CACNA2D3: variants seen among roughly 807,000 people sequenced by gnomAD.
The protein encoded by CACNA2D3 is voltage-dependent calcium channel subunit alpha-2/delta-3.
Under a neutral mutation model 160.6 loss-of-function variants are expected in CACNA2D3, and 60 were observed. The ratio of observed to expected loss-of-function variants is 0.37; its 90% confidence interval spans 0.30 to 0.46. CACNA2D3 has a LOEUF of 0.46. Ranked by LOEUF, CACNA2D3 falls within the 20% of genes least tolerant of loss-of-function variation. CACNA2D3 has a pLI of 1.00. For synonymous variants in CACNA2D3, 558 were observed against 492.9 expected, an observed-to-expected ratio of 1.13 and a Z score of -1.75; for missense variants, 1,205 against 1,365.0, an observed-to-expected ratio of 0.88 and a Z score of 1.85.
chr3:54,498,192 G>C (rs1279695780), intron 4 of CACNA2D3, among the ~76,000 whole-genome samples: 1 of 151,732 alleles, frequency 6.6e-6, no homozygotes, highest in Non-Finnish European at 1.5e-5. Flanking sequence ...GAATCCATCA[G>C]TTAAGGCATA....
intron 4 of CACNA2D3, among the ~76,000 whole-genome samples, chr3:54,502,779 T>C (rs1271278116): frequency 6.6e-6 from 1 of 152,210 alleles, no homozygotes; most frequent in Non-Finnish European, 1.5e-5. Context: ...CCTCATAACA[T>C]TGTTAGGAGA....
At chr3:54,925,079 T>C in intron 27 of CACNA2D3, 1 of 1,613,860 alleles carries the variant, frequency 6.2e-7, no homozygotes, top group South Asian at 1.1e-5. Flanking sequence ...TCTGAGGAGG[T>C]AAATGGGAAG....
At chr3:55,012,897 A>G (rs1703240744) in intron 34 of CACNA2D3, among the ~76,000 whole-genome samples, 1 of 152,104 alleles carries the variant, frequency 6.6e-6, no homozygotes, top group South Asian at 2.1e-4. Context: ...GAAGGCTCCC[A>G]TTCTGCAATT....
Position 55,000,174 on chromosome 3 carries a change from G to A in CACNA2D3, c.2691-4589G>A, listed in dbSNP as rs955725145. Reference sequence around the variant, plus strand: ...GAGCTGATTTTAGAGTCAAATGAAAGCAGGCAATTATCATGTTCTTTAACT... The same window carrying A: ...GAGCTGATTTTAGAGTCAAATGAAAACAGGCAATTATCATGTTCTTTAACT... On this transcript the variant is annotated intron_variant, in intron 31 of 37. Coordinates refer to ENST00000474759, the MANE Select transcript of CACNA2D3 (RefSeq NM_018398.3). 7.9e-5 allele frequency among the ~76,000 whole-genome samples: 12 copies of A among 152,300 alleles called. No homozygotes were observed. The South Asian group carries it at 1.5e-3, about 18-fold the overall frequency.
intron 12 of CACNA2D3, among the ~76,000 whole-genome samples, chr3:54,753,885 T>TA (rs1317439475): frequency 9.8e-5 from 15 of 152,352 alleles, no homozygotes; most frequent in South Asian, 8.3e-4. Flanking sequence ...TGAGAATACC[T>TA]AAAATCTATT....
intron 2 of CACNA2D3, among the ~76,000 whole-genome samples, chr3:54,150,321 G>T (rs963046209): frequency 2.6e-5 from 4 of 152,106 alleles, no homozygotes; most frequent in Non-Finnish European, 5.9e-5. Flanking sequence ...AATACTTAGG[G>T]GATTTTGAAG....
At chr3:54,249,505 C>T (rs1307949902) in intron 2 of CACNA2D3, among the ~76,000 whole-genome samples, 2 of 149,680 alleles carry the variant, frequency 1.3e-5, no homozygotes, top group African/African-American at 2.5e-5. Context: ...TTGAACTTGC[C>T]AGTCTCGGTA....
intron 2 of CACNA2D3, among the ~76,000 whole-genome samples, chr3:54,316,646 G>A (rs1331742125): frequency 6.6e-6 from 1 of 152,222 alleles, no homozygotes; most frequent in Non-Finnish European, 1.5e-5. Flanking sequence ...GCTTGGCAAA[G>A]AGCTTTGTGC....
chr3:54,751,952 C>T (rs945523469), intron 11 of CACNA2D3, among the ~76,000 whole-genome samples: 1 of 152,144 alleles, frequency 6.6e-6, no homozygotes, highest in African/African-American at 2.4e-5. Context: ...TCAAAGAGTT[C>T]TGACCTCATA....
chr3:54,750,862 C>G (rs888043147), intron 11 of CACNA2D3, among the ~76,000 whole-genome samples: 5 of 151,870 alleles, frequency 3.3e-5, no homozygotes, highest in Non-Finnish European at 7.4e-5. Context: ...CTCCGCCTCC[C>G]AGGTTCAAGC....
chr3:55,020,871 A>G (rs759002533), intron 35 of CACNA2D3, among the ~76,000 whole-genome samples: 7 of 152,008 alleles, frequency 4.6e-5, no homozygotes, highest in Non-Finnish European at 1.0e-4. Context: ...AAGTAATAAT[A>G]TATCACACAT....
chr3:54,138,701 A>C (rs1329120274), intron 2 of CACNA2D3, among the ~76,000 whole-genome samples: 2 of 152,236 alleles, frequency 1.3e-5, no homozygotes, highest in African/African-American at 4.8e-5. Flanking sequence ...CCTCATAACT[A>C]GCCCATGAGT....
At chr3:54,199,792 G>T (rs1321100608) in intron 2 of CACNA2D3, among the ~76,000 whole-genome samples, 1 of 152,034 alleles carries the variant, frequency 6.6e-6, no homozygotes, top group Non-Finnish European at 1.5e-5. Flanking sequence ...AAATTATGTT[G>T]GTATTCCATG....
intron 13 of CACNA2D3, among the ~76,000 whole-genome samples, chr3:54,786,417 A>C (rs1428965110): frequency 6.6e-6 from 1 of 152,058 alleles, no homozygotes; most frequent in East Asian, 1.9e-4. Flanking sequence ...GCAGTCCTTT[A>C]AGTCTCTTTT....
At chr3:54,924,513 C>T (rs1700953518) in intron 27 of CACNA2D3, 7 of 921,910 alleles carry the variant, frequency 7.6e-6, no homozygotes. Flanking sequence ...AAGCCCAAAT[C>T]CACCCCTTAC....
At chr3:54,855,595 T>C (rs1309635153) in intron 17 of CACNA2D3, among the ~76,000 whole-genome samples, 1 of 151,276 alleles carries the variant, frequency 6.6e-6, no homozygotes, top group Non-Finnish European at 1.5e-5. Context: ...CAAAGAAAAG[T>C]GAAGGAGGGA....
At chr3:54,695,181 C>G (rs1473315657) in intron 11 of CACNA2D3, among the ~76,000 whole-genome samples, 2 of 152,008 alleles carry the variant, frequency 1.3e-5, no homozygotes, top group East Asian at 1.9e-4. Flanking sequence ...CCATGCGCAG[C>G]TAATTTTTGT....
chr3:54,779,758 A>T (rs1337076748), intron 13 of CACNA2D3, among the ~76,000 whole-genome samples: 1 of 152,204 alleles, frequency 6.6e-6, no homozygotes, highest in Non-Finnish European at 1.5e-5. Flanking sequence ...CTCAGCTAAA[A>T]TGTGTCCATT....
chr3:54,504,496 T>C (rs1701339045), intron 5 of CACNA2D3, among the ~76,000 whole-genome samples: 1 of 152,150 alleles, frequency 6.6e-6, no homozygotes, highest in African/African-American at 2.4e-5. Flanking sequence ...TGGAATGATG[T>C]TTATAAAGGG....
Sources: gnomAD v4.1 joint callset for allele counts (sites outside exome capture counted in the v4.1 genomes callset) on GRCh38, gnomAD v4.1.1 for gene constraint, MANE v1.5 for transcripts, NCBI Gene and HGNC (gene_info 2026-07-23, HGNC 2026-07-21) for gene names.